Variants in RFX7 observed in about 807,000 individuals in gnomAD.
RFX7 encodes the protein DNA-binding protein RFX7.
Under a neutral mutation model 111.8 loss-of-function variants are expected in RFX7, and 26 were observed. The ratio of observed to expected loss-of-function variants is 0.23; its 90% confidence interval spans 0.17 to 0.32. The LOEUF is 0.32. RFX7 is among the 10% of genes least tolerant of loss of function. RFX7 has a pLI of 1.00. For missense variants in RFX7, 1,573 were observed against 1,772.9 expected, an observed-to-expected ratio of 0.89 and a Z score of 2.02; for synonymous variants, 624 against 624.4, an observed-to-expected ratio of 1.00 and a Z score of 0.01.
chr15:56,222,726 CT>C (rs1442315995), intron 2 of RFX7, among the ~76,000 whole-genome samples: 1 of 152,076 alleles, frequency 6.6e-6, no homozygotes, highest in African/African-American at 2.4e-5. Context: ...TCATCTTTTC[CT>C]TTAAATCTTT....
intron 5 of RFX7, among the ~76,000 whole-genome samples, chr15:56,137,957 T>G (rs1318897994): frequency 8.6e-5 from 13 of 152,018 alleles, no homozygotes. Context: ...AGTTCTAGTT[T>G]GATTGCACTG....
At chr15:56,168,798 C>A (rs2042811467) in intron 3 of RFX7, among the ~76,000 whole-genome samples, 1 of 152,194 alleles carries the variant, frequency 6.6e-6, no homozygotes, top group South Asian at 2.1e-4. Flanking sequence ...GTTTGCCCTT[C>A]TTCCCTTTTT....
At chr15:56,109,155 C>A (rs2041872797) in intron 5 of RFX7, among the ~76,000 whole-genome samples, 2 of 152,232 alleles carry the variant, frequency 1.3e-5, no homozygotes, top group Non-Finnish European at 2.9e-5. Context: ...GCCTGATTCT[C>A]CTGCCTCAGC....
At chr15:56,149,553 C>A (rs989497161) in intron 3 of RFX7, among the ~76,000 whole-genome samples, 1 of 152,144 alleles carries the variant, frequency 6.6e-6, no homozygotes, top group Admixed American at 6.5e-5. Flanking sequence ...CCACGGAGGG[C>A]GAGGCGAAGC....
intron 3 of RFX7, among the ~76,000 whole-genome samples, chr15:56,144,918 C>T (rs2042448330): frequency 6.6e-6 from 1 of 152,130 alleles, no homozygotes; most frequent in Non-Finnish European, 1.5e-5. Flanking sequence ...AAATGAATGA[C>T]ATAATTTCTA....
intron 2 of RFX7, among the ~76,000 whole-genome samples, chr15:56,218,898 G>A (rs1010706553): frequency 1.3e-5 from 2 of 152,072 alleles, no homozygotes; most frequent in African/African-American, 2.4e-5. Context: ...CAGAGAGATC[G>A]AATTGCACAA....
At chr15:56,174,552 T>C (rs2042881567) in intron 3 of RFX7, among the ~76,000 whole-genome samples, 1 of 151,850 alleles carries the variant, frequency 6.6e-6, no homozygotes, top group Non-Finnish European at 1.5e-5. Flanking sequence ...ATCGAGACCA[T>C]CCTGGACAAC....
intron 5 of RFX7, among the ~76,000 whole-genome samples, chr15:56,139,015 G>C (rs2141013645): frequency 6.6e-6 from 1 of 151,844 alleles, no homozygotes; most frequent in East Asian, 1.9e-4. Flanking sequence ...CCCATTGAGG[G>C]TAACCCGACC....
At chr15:56,140,104 C>A (rs1327451383) in intron 5 of RFX7, among the ~76,000 whole-genome samples, 62 of 152,062 alleles carry the variant, frequency 4.1e-4, no homozygotes, top group African/African-American at 1.5e-3. Context: ...GTGGAGCCTA[C>A]AGAGGCAGGC....
At chr15:56,218,079 T>C (rs1440835709) in intron 2 of RFX7, among the ~76,000 whole-genome samples, 1 of 150,704 alleles carries the variant, frequency 6.6e-6, no homozygotes, top group Non-Finnish European at 1.5e-5. Context: ...AACAATATAG[T>C]ATAAAAACGA....
chr15:56,208,960 G>C (rs1445118472), intron 2 of RFX7, among the ~76,000 whole-genome samples: 1 of 152,042 alleles, frequency 6.6e-6, no homozygotes, highest in East Asian at 1.9e-4. Context: ...ATTCCAGAAG[G>C]ATAGGAAAAA....
chr15:56,138,081 T>A (rs2042332001), intron 5 of RFX7, among the ~76,000 whole-genome samples: 1 of 143,346 alleles, frequency 7.0e-6, no homozygotes, highest in Admixed American at 7.0e-5. Flanking sequence ...CTGAAAAAAA[T>A]GTATATTCTG....
At chr15:56,137,385 T>A (rs1328790657) in intron 5 of RFX7, among the ~76,000 whole-genome samples, 2 of 152,232 alleles carry the variant, frequency 1.3e-5, no homozygotes, top group Non-Finnish European at 2.9e-5. Context: ...TCTTCTAGAT[T>A]TTCTAGTTTA....
At chr15:56,179,931 T>A (rs1207116953) in intron 2 of RFX7, among the ~76,000 whole-genome samples, 2 of 152,040 alleles carry the variant, frequency 1.3e-5, no homozygotes, top group African/African-American at 4.8e-5. Context: ...CCACTATACA[T>A]CAATTTAACT....
In RFX7 at chr15:56,092,521, TAAC is replaced by T. The variant is rs1366987178; in HGVS notation, c.*821_*823del. 1 of 152,194 alleles carries T rather than the reference TAAC, an allele frequency of 6.6e-6. No homozygotes were observed. The highest frequency in any genetic ancestry group is 2.4e-5 in the African/African-American group (1 of 41,448). 9.4% of individuals were successfully genotyped at this position (152,194 alleles called of 1,614,324 possible). On this transcript the variant is annotated 3_prime_UTR_variant, in exon 10 of 10. Coordinates refer to ENST00000559447, the MANE Select transcript of RFX7 (RefSeq NM_022841.7). ...TGTTTTCCTTCTCATTCCCCTAACTTAACAAATAATAAGACATAAAGCATTTTT... is the reference window on the plus strand; with the variant it reads ...TGTTTTCCTTCTCATTCCCCTAACTTAAATAATAAGACATAAAGCATTTTT...
At chr15:56,187,131 A>G (rs1183400075) in intron 2 of RFX7, among the ~76,000 whole-genome samples, 5 of 152,206 alleles carry the variant, frequency 3.3e-5, no homozygotes. Flanking sequence ...ATAAAAACAA[A>G]CATTAAATCA....
chr15:56,174,319 AT>A (rs1462833856), intron 3 of RFX7, among the ~76,000 whole-genome samples: 1 of 152,218 alleles, frequency 6.6e-6, no homozygotes, highest in Non-Finnish European at 1.5e-5. Flanking sequence ...ACTGAAAAAA[AT>A]ATAAGATCTA....
At chr15:56,241,726 AC>A in intron 2 of RFX7, among the ~76,000 whole-genome samples, 1 of 152,062 alleles carries the variant, frequency 6.6e-6, no homozygotes, top group Admixed American at 6.5e-5. Flanking sequence ...TCTGTCACAC[AC>A]ACACACACAC....
intron 5 of RFX7, among the ~76,000 whole-genome samples, chr15:56,105,221 CT>C (rs1470196231): frequency 6.6e-5 from 10 of 152,298 alleles, no homozygotes; most frequent in Admixed American, 2.6e-4. Flanking sequence ...TCTCTTCCGA[CT>C]AAAGCAACGT....
Sources: allele counts gnomAD v4.1 joint callset (sites outside exome capture counted in the v4.1 genomes callset), GRCh38; gene constraint gnomAD v4.1.1; transcripts MANE v1.5; gene names NCBI Gene and HGNC (gene_info 2026-07-23, HGNC 2026-07-21).